ACOT7: variants seen among roughly 807,000 people sequenced by gnomAD.
ACOT7 encodes acyl-CoA thioesterase 7, also known as cytosolic acyl coenzyme A thioester hydrolase.
A neutral mutation model predicts 40.2 loss-of-function variants in ACOT7; 12 were observed. That is an observed-to-expected ratio of 0.30 (90% confidence interval 0.19 to 0.48). The LOEUF (loss-of-function observed/expected upper bound fraction) is 0.48. ACOT7 is among the 20% of genes least tolerant of loss of function. ACOT7 has a pLI of 0.99. For synonymous variants in ACOT7, 228 were observed against 219.5 expected (o/e 1.04, Z -0.34); for missense variants, 395 against 530.8 (o/e 0.74, Z 2.51).
At chr1:6,287,689 A>T (rs1213382991) in intron 7 of ACOT7, among the ~76,000 whole-genome samples, 2 of 152,234 alleles carry the variant, frequency 1.3e-5, no homozygotes, top group Non-Finnish European at 2.9e-5. Flanking sequence ...CAGGGGCGGC[A>T]GCAGCCAGAT....
At chr1:6,267,306 C>A (rs1448725724) in intron 8 of ACOT7, among the ~76,000 whole-genome samples, 1 of 152,218 alleles carries the variant, frequency 6.6e-6, no homozygotes, top group African/African-American at 2.4e-5. Flanking sequence ...TACCAGAGGA[C>A]CAGGAGGGGC....
chr1:6,337,741 G>A (rs1224653256), intron 3 of ACOT7, among the ~76,000 whole-genome samples: 5 of 152,112 alleles, frequency 3.3e-5, no homozygotes, highest in African/African-American at 4.8e-5. Context: ...TTGGGAGGCC[G>A]AGGCAGCTGG....
At chr1:6,362,319 TA>T in intron 1 of ACOT7, among the ~76,000 whole-genome samples, 1 of 151,304 alleles carries the variant, frequency 6.6e-6, no homozygotes, top group Admixed American at 6.6e-5. Context: ...TAATGCCAGC[TA>T]CTTGGGAGGC....
At chr1:6,327,453 C>CAG in intron 4 of ACOT7, 40 bp from the exon 5 acceptor site, 1 of 1,595,676 alleles carries the variant, frequency 6.3e-7, no homozygotes, top group Non-Finnish European at 8.6e-7. Flanking sequence ...AGGCAGGACA[C>CAG]GGCCTCCTCC....
chr1:6,289,168 C>T lies in ACOT7; in HGVS notation c.829+5696G>A, dbSNP rs1316208587. Among the ~76,000 whole-genome samples, 1 of 152,170 alleles carries T rather than the reference C, an allele frequency of 6.6e-6. No individual in the cohort carries two copies. Among genetic ancestry groups the T allele is most frequent in the East Asian group, 1.9e-4 (1 of 5,198 alleles). On this transcript the variant is annotated intron_variant, in intron 7 of 8. Transcript: ENST00000361521. This position sits in a 1 kb window ranked among gnomAD's most constrained non-coding sequence, Gnocchi z 4.6. ...CGGCTGGAGTGCAGTGACACGATCT[C>T]GGCTCACTGCAACATCTGCCTCTCA...
At chr1:6,297,540 C>G (rs757899775) in intron 6 of ACOT7, among the ~76,000 whole-genome samples, 31 of 152,228 alleles carry the variant, frequency 2.0e-4, no homozygotes, top group Non-Finnish European at 4.0e-4. Flanking sequence ...CAGCTCCTAC[C>G]TAGCGCCCCC....
At chr1:6,277,958 G>C (rs1291824809) in intron 8 of ACOT7, among the ~76,000 whole-genome samples, 1 of 152,166 alleles carries the variant, frequency 6.6e-6, no homozygotes, top group Non-Finnish European at 1.5e-5. Context: ...AGGAAACCGA[G>C]GCACATAGAA....
intron 3 of ACOT7, among the ~76,000 whole-genome samples, chr1:6,334,777 CAGA>C (rs940832936): frequency 6.6e-6 from 1 of 152,228 alleles, no homozygotes; most frequent in Non-Finnish European, 1.5e-5. Context: ...CTCACTTGTA[CAGA>C]AGGAGTCTGA....
At position 6,311,062 on chromosome 1, in the gene ACOT7, A is replaced by AG. The variant is rs1640317071; in HGVS notation, c.712+7429_712+7430insC. On this transcript the variant is annotated intron_variant, in intron 6 of 8. Coordinates refer to ENST00000361521, the MANE Select transcript of ACOT7 (RefSeq NM_007274.4). The surrounding 1 kb of genome is among the most constrained non-coding windows in gnomAD (Gnocchi z 5.2). ...CGGAATCTGCACTTTTAACAAGCAC[A>AG]AAGATGGTTTCTAAGGCTCAGATGA... 6.6e-6 allele frequency among the ~76,000 whole-genome samples: 1 copy of AG among 152,174 alleles called. No individual in the cohort carries two copies. Among genetic ancestry groups the AG allele is most frequent in the South Asian group, 2.1e-4 (1 of 4,834 alleles).
In ACOT7 at chr1:6,348,246, A is replaced by G. The variant is rs180933612; in HGVS notation, c.261+1503T>C. On this transcript the variant is annotated intron_variant, in intron 2 of 8. Coordinates refer to ENST00000361521, the MANE Select transcript of ACOT7 (RefSeq NM_007274.4). Reference sequence around the variant, plus strand: ...GCAAACCCACTCCTGAACCTGTACCACACGACATCCCCCACATCCACGTCC... The same window carrying G: ...GCAAACCCACTCCTGAACCTGTACCGCACGACATCCCCCACATCCACGTCC... Among the ~76,000 whole-genome samples, 76 of 152,212 alleles carry G rather than the reference A, an allele frequency of 5.0e-4. 1 individual carries two copies. Among genetic ancestry groups the G allele is most frequent in the African/African-American group, 1.8e-3 (73 of 41,542 alleles).
rs780372884 is a variant in ACOT7 at position 6,333,468 on chromosome 1, G to A, written c.510+9C>T. On this transcript the variant is annotated intron_variant, in intron 4 of 8. Transcript: ENST00000361521. ...TGCCCCCAAGAGAGAAGTAGAAAGG[G>A]CACCTTACCACAACAGGAGGCACCT... The A allele has an allele frequency of 1.2e-6, 2 of 1,614,020 alleles. No homozygotes were observed. Among genetic ancestry groups the A allele is most frequent in the East Asian group, 2.2e-5 (1 of 44,878 alleles).
At chr1:6,348,357 C>A (rs943087773) in intron 2 of ACOT7, among the ~76,000 whole-genome samples, 2 of 152,158 alleles carry the variant, frequency 1.3e-5, no homozygotes, top group Non-Finnish European at 2.9e-5. Flanking sequence ...CACACGCACA[C>A]ACACACAGCT....
intron 1 of ACOT7, among the ~76,000 whole-genome samples, chr1:6,378,875 C>G (rs944847828): frequency 6.6e-6 from 1 of 151,670 alleles, no homozygotes; most frequent in East Asian, 1.9e-4. Flanking sequence ...TCCCTAGAGT[C>G]CTAGTTTTAT....
rs569503417 is a variant in ACOT7 at position 6,330,058 on chromosome 1, G to A, written c.511-2645C>T. On this transcript the variant is annotated intron_variant, in intron 4 of 8. Transcript: ENST00000361521. The surrounding 1 kb of genome is among the most constrained non-coding windows in gnomAD (Gnocchi z 4.6). The stretch of plus-strand genomic sequence containing the variant: ...ACGCACACATCCAGGAAACCAGTGT[G>A]TGTGTGTGGTGTGTGTGTGTGTGTG... Among the ~76,000 whole-genome samples the A allele has an allele frequency of 6.6e-6, 1 of 152,274 alleles. No individual in the cohort carries two copies. The highest frequency in any genetic ancestry group is 6.5e-5 in the Admixed American group (1 of 15,274).
intron 8 of ACOT7, among the ~76,000 whole-genome samples, chr1:6,277,621 C>T (rs534614728): frequency 5.3e-5 from 8 of 152,364 alleles, no homozygotes; most frequent in South Asian, 4.1e-4. Context: ...CTTTGGCCCT[C>T]GCCGTTCCCT....
chr1:6,335,478 G>A (rs1641076278), intron 3 of ACOT7, among the ~76,000 whole-genome samples: 1 of 152,148 alleles, frequency 6.6e-6, no homozygotes, highest in Non-Finnish European at 1.5e-5. Flanking sequence ...GGGCGACAGA[G>A]CGAGGCCCTG....
At chr1:6,385,664 C>T (rs750692435) in intron 1 of ACOT7, 1 of 1,611,634 alleles carries the variant, frequency 6.2e-7, no homozygotes, top group Non-Finnish European at 8.5e-7. Context: ...CAAGCAGCTT[C>T]ATCCTGCGGT....
chr1:6,306,925 G>A lies in ACOT7; in HGVS notation c.712+11567C>T, dbSNP rs1259736186. 1 of 1,288,946 alleles carries A rather than the reference G, an allele frequency of 7.8e-7. No individual in the cohort carries two copies. Among genetic ancestry groups the A allele is most frequent in the Non-Finnish European group, 1.0e-6 (1 of 988,600 alleles). 79.8% of individuals were successfully genotyped at this position (1,288,946 alleles called of 1,614,324 possible). A position where few individuals can be genotyped will look rare whatever the true frequency, so the allele number is the denominator to read the frequency against. ...TGTTTTTTCACAACTGCCCCAAGAA[G>A]ACCAAGTGAACAAGAGCGTCTTGGT... On this transcript the variant is annotated intron_variant, in intron 6 of 8. Coordinates refer to ENST00000361521, the MANE Select transcript of ACOT7 (RefSeq NM_007274.4). The surrounding 1 kb of genome is among the most constrained non-coding windows in gnomAD (Gnocchi z 4.3).
chr1:6,293,915 G>A (rs939430804), intron 7 of ACOT7, among the ~76,000 whole-genome samples: 4 of 152,164 alleles, frequency 2.6e-5, no homozygotes, highest in Admixed American at 2.6e-4. Flanking sequence ...AGCAGCTGCC[G>A]GAGACAGCAC....
Sources: gnomAD v4.1 joint callset for allele counts (sites outside exome capture counted in the v4.1 genomes callset) on GRCh38, gnomAD v4.1.1 for gene constraint, Gnocchi (gnomAD v3.1) non-coding constraint, MANE v1.5 for transcripts, NCBI Gene and HGNC (gene_info 2026-07-23, HGNC 2026-07-21) for gene names.